Variants in VPS13B observed in about 807,000 individuals in gnomAD.
VPS13B encodes vacuolar protein sorting 13 homolog B, also known as intermembrane lipid transfer protein VPS13B.
A neutral mutation model predicts 426.4 loss-of-function variants in VPS13B; 285 were observed. The ratio of observed to expected loss-of-function variants is 0.67; its 90% CI spans 0.61 to 0.74. The LOEUF is 0.74. Ranked by LOEUF, VPS13B falls within the 30% of genes least tolerant of loss-of-function variation. The pLI is 0.00. For missense variants in VPS13B, 4,537 were observed against 4,782.6 expected, an observed-to-expected ratio of 0.95 and a Z score of 1.51; for synonymous variants, 1,676 against 1,676.4, an observed-to-expected ratio of 1.00 and a Z score of 0.01.
At chr8:99,241,927 T>C (rs1231910893) in intron 17 of VPS13B, among the ~76,000 whole-genome samples, 1 of 152,234 alleles carries the variant, frequency 6.6e-6, no homozygotes, top group Admixed American at 6.5e-5. Context: ...TCATTTTCTC[T>C]AAGAACCATC....
chr8:99,637,002 G>A (rs1490691735), intron 33 of VPS13B, among the ~76,000 whole-genome samples: 1 of 152,004 alleles, frequency 6.6e-6, no homozygotes, highest in Non-Finnish European at 1.5e-5. Context: ...AAGAGTGGGA[G>A]AGCTGATGTA....
At chr8:99,684,239 T>C (rs73702032) in intron 35 of VPS13B, among the ~76,000 whole-genome samples, 196 of 152,354 alleles carry the variant, frequency 1.3e-3, no homozygotes, top group African/African-American at 4.3e-3. Context: ...ATGTCTCTTC[T>C]TGAGGAATAT....
chr8:99,568,287 A>ATTT (rs1371904688), intron 31 of VPS13B, among the ~76,000 whole-genome samples: 2 of 137,126 alleles, frequency 1.5e-5, no homozygotes, highest in Non-Finnish European at 1.7e-5. Flanking sequence ...TATTATTATT[A>ATTT]TTATTATTAT....
chr8:99,701,633 C>T (rs895423773), intron 36 of VPS13B, among the ~76,000 whole-genome samples: 4 of 152,172 alleles, frequency 2.6e-5, no homozygotes, highest in Middle Eastern at 6.8e-3. Flanking sequence ...TAGTTAAACA[C>T]AAAAACAGCA....
intron 43 of VPS13B, among the ~76,000 whole-genome samples, chr8:99,786,981 T>C (rs992832712): frequency 2.0e-5 from 3 of 152,174 alleles, no homozygotes; most frequent in Admixed American, 6.6e-5. Context: ...GAGCTTGTCA[T>C]AGATGCACAA....
intron 17 of VPS13B, among the ~76,000 whole-genome samples, chr8:99,232,157 T>C (rs1461387138): frequency 2.7e-5 from 4 of 150,648 alleles, no homozygotes; most frequent in Admixed American, 6.6e-5. Flanking sequence ...GATGGAGGGA[T>C]GAGGGAATTC....
chr8:99,860,344 CT>C lies in VPS13B; in HGVS notation c.11044+865del, dbSNP rs2130936945. On this transcript the variant is annotated intron_variant, in intron 57 of 61. Coordinates refer to ENST00000357162, the MANE Select transcript of VPS13B (RefSeq NM_152564.5). ...AATTCCACGGACAATGAAAAGGACA[CT>C]CCCCCAGGCCTCAAATCATCTGGGA... Among the ~76,000 whole-genome samples, 3 of 152,276 alleles carry C rather than the reference CT, an allele frequency of 2.0e-5. No individual in the cohort carries two copies. The South Asian group carries it at 6.2e-4, about 32-fold the overall frequency.
At chr8:99,744,173 C>T (rs1809937335) in intron 39 of VPS13B, among the ~76,000 whole-genome samples, 1 of 152,172 alleles carries the variant, frequency 6.6e-6, no homozygotes, top group Non-Finnish European at 1.5e-5. Context: ...TGAACAGACG[C>T]TTCTCGAAAG....
chr8:99,212,343 T>C (rs77825749), intron 17 of VPS13B, among the ~76,000 whole-genome samples: 11,657 of 152,264 alleles, frequency 0.077, 659 homozygotes, highest in African/African-American at 0.16. Context: ...AAAAACCTAA[T>C]TGAAACCAAT....
Position 99,809,496 on chromosome 8 carries a change from T to G in VPS13B, c.8063T>G (p.Ile2688Ser). 1.2e-6 allele frequency: 2 copies of G among 1,614,102 alleles called. No individual in the cohort carries two copies. Among genetic ancestry groups the G allele is most frequent in the East Asian group, 4.5e-5 (2 of 44,844 alleles). Residue 2688 changes from isoleucine (I) to serine (S), a missense_variant, in exon 44 of 62, where the codon ATC becomes AGC. Transcript: ENST00000357162. ...QYRGRTASLI[I>S]KVQQLNGVQK... is the part of the protein sequence containing the mutation. ...AGGGGTCGAACTGCTTCTCTCATCA[T>G]CAAGGTTCAGCAACTCAATGGAGTA...
At chr8:99,391,113 GA>G (rs1257669081) in intron 20 of VPS13B, among the ~76,000 whole-genome samples, 2 of 152,178 alleles carry the variant, frequency 1.3e-5, no homozygotes, top group East Asian at 1.9e-4. Flanking sequence ...AAAACATAAG[GA>G]TTTTTTTTAT....
chr8:99,109,681 A>T (rs1847259258), intron 5 of VPS13B, among the ~76,000 whole-genome samples: 1 of 152,136 alleles, frequency 6.6e-6, no homozygotes, highest in South Asian at 2.1e-4. Flanking sequence ...GCCTGGCCTG[A>T]ATAGCTTACA....
At position 99,587,503 on chromosome 8, in the gene VPS13B, A is replaced by G. The variant is rs184827310; in HGVS notation, c.5220+9870A>G. Among the ~76,000 whole-genome samples, 983 of 151,806 alleles carry G rather than the reference A, an allele frequency of 6.5e-3. 12 individuals carry two copies. The highest frequency in any genetic ancestry group is 0.011 in the Non-Finnish European group (734 of 68,010). ...GCACCTGTTGTTTCCTGACTTTTAA[A>G]TGATCTCCATTCCAACTGGCATGAG... is the stretch of plus-strand genomic sequence containing the variant. On this transcript the variant is annotated intron_variant, in intron 33 of 61. Coordinates refer to ENST00000357162, the MANE Select transcript of VPS13B (RefSeq NM_152564.5).
intron 33 of VPS13B, among the ~76,000 whole-genome samples, chr8:99,596,346 T>C (rs1827012503): frequency 6.6e-6 from 1 of 152,026 alleles, no homozygotes. Context: ...AAGTTTATTG[T>C]GAAAATAAGG....
intron 39 of VPS13B, among the ~76,000 whole-genome samples, chr8:99,747,245 G>T (rs972303224): frequency 6.5e-5 from 9 of 139,196 alleles, no homozygotes; most frequent in African/African-American, 2.4e-4. Flanking sequence ...GATCCAAAGA[G>T]AAAAGCAGGC....
At chr8:99,742,273 A>G (rs1477519780) in intron 39 of VPS13B, among the ~76,000 whole-genome samples, 1 of 152,228 alleles carries the variant, frequency 6.6e-6, no homozygotes, top group Non-Finnish European at 1.5e-5. Context: ...AGACTAAACC[A>G]GGAAGAAGTT....
intron 61 of VPS13B, among the ~76,000 whole-genome samples, chr8:99,873,722 G>A (rs2130984164): frequency 6.6e-6 from 1 of 152,262 alleles, no homozygotes; most frequent in South Asian, 2.1e-4. Flanking sequence ...GCGTCTTTGA[G>A]ACTAAACCCT....
At chr8:99,540,024 T>C (rs1299260878) in intron 30 of VPS13B, among the ~76,000 whole-genome samples, 22 of 1,026 alleles carry the variant, frequency 0.021, no homozygotes, top group South Asian at 0.077. Flanking sequence ...TATATATATA[T>C]ATATATATAT....
intron 52 of VPS13B, among the ~76,000 whole-genome samples, chr8:99,834,911 A>C (rs1815303029): frequency 6.6e-6 from 1 of 152,242 alleles, no homozygotes; most frequent in African/African-American, 2.4e-5. Context: ...AAGGAGTTTA[A>C]CACACATATG....
Sources: gnomAD v4.1 joint callset for allele counts (sites outside exome capture counted in the v4.1 genomes callset) on GRCh38, gnomAD v4.1.1 for gene constraint, MANE v1.5 for transcripts, NCBI Gene and HGNC (gene_info 2026-07-23, HGNC 2026-07-21) for gene names.